MGAT4C: variants seen among roughly 807,000 people sequenced by gnomAD.
The protein encoded by MGAT4C is MGAT4 family member C.
In MGAT4C, 19 loss-of-function variants were observed where a neutral mutation model predicts 40.1. The ratio of observed to expected loss-of-function variants is 0.47; its 90% confidence interval spans 0.33 to 0.70. The LOEUF is 0.70. MGAT4C is among the 30% of genes least tolerant of loss of function. MGAT4C has a pLI of 0.02. For missense variants in MGAT4C, 491 were observed against 563.2 expected, an observed-to-expected ratio of 0.87 and a Z score of 1.30; for synonymous variants, 181 against 187.1, an observed-to-expected ratio of 0.97 and a Z score of 0.27.
At chr12:86,222,911 C>T (rs1357670843) in intron 1 of MGAT4C, among the ~76,000 whole-genome samples, 1 of 152,176 alleles carries the variant, frequency 6.6e-6, no homozygotes, top group Non-Finnish European at 1.5e-5. Flanking sequence ...AAGAAAGACA[C>T]CCACAACTCC....
At chr12:86,031,920 C>T (rs1044448213) in intron 2 of MGAT4C, among the ~76,000 whole-genome samples, 1 of 151,624 alleles carries the variant, frequency 6.6e-6, no homozygotes, top group African/African-American at 2.4e-5. Context: ...TTTCTCTTAC[C>T]CTACACCTCA....
rs1883427340 is a variant in MGAT4C at position 85,967,627 on chromosome 12, A to G, written c.*11662T>C. The stretch of plus-strand genomic sequence containing the variant: ...CTCATTTTAGCTAGCAACACTATGT[A>G]GAAAAATATTTTAAATAAGACAGAG... On this transcript the variant is annotated 3_prime_UTR_variant, in exon 5 of 5. Coordinates refer to ENST00000611864, the MANE Select transcript of MGAT4C (RefSeq NM_001351288.2). 2 of 152,134 alleles carry G rather than the reference A, an allele frequency of 1.3e-5. No individual in the cohort carries two copies. The highest frequency in any genetic ancestry group is 3.8e-4 in the East Asian group (2 of 5,200). The allele number at this position is 152,134 out of a possible 1,614,324, so 9.4% of individuals were successfully genotyped here.
chr12:86,175,051 T>C (rs1400719788), intron 1 of MGAT4C, among the ~76,000 whole-genome samples: 1 of 152,188 alleles, frequency 6.6e-6, no homozygotes, highest in Admixed American at 6.5e-5. Flanking sequence ...GATTTCAATA[T>C]ATCTGCTGAT....
intron 2 of MGAT4C, among the ~76,000 whole-genome samples, chr12:86,438,453 AG>A (rs1472905351): frequency 1.3e-5 from 2 of 151,994 alleles, no homozygotes; most frequent in Non-Finnish European, 2.9e-5. Flanking sequence ...CAAGTTATCC[AG>A]AAGATCAGCC....
chr12:86,222,305 C>T (rs1303597718), intron 1 of MGAT4C, among the ~76,000 whole-genome samples: 1 of 152,182 alleles, frequency 6.6e-6, no homozygotes, highest in Non-Finnish European at 1.5e-5. Context: ...ACCAAATTTA[C>T]AGGCTTTCGA....
At chr12:86,360,257 C>G in intron 3 of MGAT4C, among the ~76,000 whole-genome samples, 1 of 152,162 alleles carries the variant, frequency 6.6e-6, no homozygotes, top group East Asian at 1.9e-4. Context: ...TCAATAGATG[C>G]AGAAAAGGCC....
intron 3 of MGAT4C, among the ~76,000 whole-genome samples, chr12:86,417,045 T>C (rs545395551): frequency 1.3e-5 from 2 of 152,202 alleles, no homozygotes; most frequent in East Asian, 3.9e-4. Context: ...GCCATCTAAT[T>C]TATGGTATGT....
intron 2 of MGAT4C, among the ~76,000 whole-genome samples, chr12:86,609,557 A>ACCTGTCT (rs1370932146): frequency 1.3e-5 from 2 of 152,092 alleles, no homozygotes; most frequent in African/African-American, 4.8e-5. Context: ...CAGAAGAATA[A>ACCTGTCT]AGTGTCTGGT....
At position 86,405,903 on chromosome 12, in the gene MGAT4C, T is replaced by C. The variant is rs867665781; in HGVS notation, c.-120+29254A>G. On this transcript the variant is annotated intron_variant, in intron 3 of 7. Coordinates refer to the MGAT4C transcript ENST00000548651. ...TGGTGCTGAAACAACTGGACATACA[T>C]AGGTAATATGTATGTATTTATATTA... Among the ~76,000 whole-genome samples the C allele has an allele frequency of 1.4e-4, 13 of 94,084 alleles. 1 individual carries two copies. In the Middle Eastern group the frequency reaches 0.027, roughly 199 times the overall value. The allele number at this position is 94,084 out of a possible 152,430, so 61.7% of individuals were successfully genotyped here.
chr12:86,747,349 C>T (rs1453567038), intron 1 of MGAT4C, among the ~76,000 whole-genome samples: 1 of 151,580 alleles, frequency 6.6e-6, no homozygotes, highest in African/African-American at 2.4e-5. Context: ...ATTTAAATGG[C>T]TGTCCAACTA....
chr12:86,080,319 T>C (rs1397289417), intron 1 of MGAT4C, among the ~76,000 whole-genome samples: 1 of 152,184 alleles, frequency 6.6e-6, no homozygotes, highest in African/African-American at 2.4e-5. Context: ...TTTATTTGTA[T>C]TATTTTAACC....
intron 3 of MGAT4C, among the ~76,000 whole-genome samples, chr12:86,372,150 C>A (rs886660576): frequency 6.6e-6 from 1 of 151,730 alleles, no homozygotes; most frequent in African/African-American, 2.4e-5. Flanking sequence ...GTTTGCATAG[C>A]TAACCATTTA....
intron 1 of MGAT4C, among the ~76,000 whole-genome samples, chr12:86,237,428 T>C (rs1282530968): frequency 2.6e-5 from 4 of 151,824 alleles, no homozygotes. Context: ...ATATTAGCTA[T>C]AATAAAATAA....
At chr12:86,267,916 T>C (rs554785154) in intron 4 of MGAT4C, among the ~76,000 whole-genome samples, 1 of 152,268 alleles carries the variant, frequency 6.6e-6, no homozygotes, top group South Asian at 2.1e-4. Flanking sequence ...AATTTAATTT[T>C]TCTTACCAAA....
chr12:86,763,284 G>C (rs1200557646), intron 1 of MGAT4C, among the ~76,000 whole-genome samples: 2 of 152,212 alleles, frequency 1.3e-5, no homozygotes, highest in East Asian at 3.9e-4. Context: ...AATTCATTTT[G>C]CCTTTACAAG....
chr12:86,413,619 G>A (rs1230932631), intron 3 of MGAT4C, among the ~76,000 whole-genome samples: 2 of 152,214 alleles, frequency 1.3e-5, no homozygotes, highest in Non-Finnish European at 2.9e-5. Context: ...GACATGGGAA[G>A]TGTTGGAAAT....
At chr12:86,636,408 T>C (rs1963221083) in intron 2 of MGAT4C, among the ~76,000 whole-genome samples, 1 of 152,092 alleles carries the variant, frequency 6.6e-6, no homozygotes. Flanking sequence ...TGTGCTCTAT[T>C]CAAATTCACA....
intron 4 of MGAT4C, among the ~76,000 whole-genome samples, chr12:86,330,355 T>C (rs1954635349): frequency 6.6e-6 from 1 of 152,212 alleles, no homozygotes; most frequent in African/African-American, 2.4e-5. Flanking sequence ...TTTCACCATT[T>C]CTCTGGGACT....
intron 2 of MGAT4C, among the ~76,000 whole-genome samples, chr12:86,640,403 C>T (rs1470554901): frequency 6.6e-6 from 1 of 151,798 alleles, no homozygotes; most frequent in South Asian, 2.1e-4. Flanking sequence ...AAAGTTATTT[C>T]AACCTGTCCA....
Sources: gnomAD v4.1 joint callset for allele counts (sites outside exome capture counted in the v4.1 genomes callset) on GRCh38, gnomAD v4.1.1 for gene constraint, MANE v1.5 for transcripts, NCBI Gene and HGNC (gene_info 2026-07-23, HGNC 2026-07-21) for gene names.